Variants in EFNA5 observed in about 807,000 individuals in gnomAD.
EFNA5 encodes ephrin-A5.
EFNA5 carries 5 observed loss-of-function variants against 22.9 expected under a neutral mutation model. That is an observed-to-expected ratio of 0.22 (90% CI 0.11 to 0.46). The LOEUF is 0.46. EFNA5 is among the 20% of genes least tolerant of loss of function. EFNA5 has a pLI of 0.99. For synonymous variants in EFNA5, 113 were observed against 112.2 expected (o/e 1.01, Z -0.04); for missense variants, 237 against 293.3 (o/e 0.81, Z 1.40).
intron 1 of EFNA5, among the ~76,000 whole-genome samples, chr5:107,481,940 A>G (rs79464473): frequency 0.033 from 5,070 of 152,258 alleles, 110 homozygotes; most frequent in East Asian, 0.098. Flanking sequence ...TAAACATTAG[A>G]AAACAAACAC....
At chr5:107,496,990 C>T (rs777482603) in intron 1 of EFNA5, among the ~76,000 whole-genome samples, 6 of 152,348 alleles carry the variant, frequency 3.9e-5, no homozygotes, top group Non-Finnish European at 7.3e-5. Flanking sequence ...CATGGCTCAC[C>T]ACCTGCCCTC....
intron 1 of EFNA5, among the ~76,000 whole-genome samples, chr5:107,662,505 G>A (rs1175268314): frequency 1.3e-5 from 2 of 152,060 alleles, no homozygotes; most frequent in Non-Finnish European, 2.9e-5. Flanking sequence ...AGGTCACTTG[G>A]TTTTCCAAAT....
intron 1 of EFNA5, among the ~76,000 whole-genome samples, chr5:107,527,851 C>A (rs747967464): frequency 1.3e-5 from 2 of 152,076 alleles, no homozygotes; most frequent in Non-Finnish European, 2.9e-5. Context: ...TGACTGACAA[C>A]AACCACGTCA....
intron 1 of EFNA5, among the ~76,000 whole-genome samples, chr5:107,641,883 C>G (rs1357253401): frequency 6.6e-6 from 1 of 152,076 alleles, no homozygotes; most frequent in East Asian, 1.9e-4. Context: ...AGACAAAGAA[C>G]AGCTGTTTCC....
At chr5:107,398,561 T>C (rs1747990527) in intron 2 of EFNA5, among the ~76,000 whole-genome samples, 1 of 152,034 alleles carries the variant, frequency 6.6e-6, no homozygotes, top group African/African-American at 2.4e-5. Context: ...AAAAAATCTG[T>C]CGAGGCCAGG....
chr5:107,569,573 A>ATT (rs1442314723), intron 1 of EFNA5, among the ~76,000 whole-genome samples: 1 of 34,578 alleles, frequency 2.9e-5, no homozygotes, highest in African/African-American at 5.1e-5. Context: ...ATATATATAT[A>ATT]TATATATATA....
chr5:107,569,276 T>C (rs1748723241), intron 1 of EFNA5, among the ~76,000 whole-genome samples: 1 of 151,154 alleles, frequency 6.6e-6, no homozygotes, highest in African/African-American at 2.4e-5. Flanking sequence ...CAAACACTCA[T>C]ACATTGTGAA....
chr5:107,508,639 A>G (rs1747299330), intron 1 of EFNA5, among the ~76,000 whole-genome samples: 1 of 152,228 alleles, frequency 6.6e-6, no homozygotes, highest in Admixed American at 6.5e-5. Context: ...CAGCCTTGAT[A>G]TAACAATAAT....
chr5:107,466,957 T>C, intron 1 of EFNA5, among the ~76,000 whole-genome samples: 1 of 152,112 alleles, frequency 6.6e-6, no homozygotes, highest in East Asian at 1.9e-4. Context: ...AGTATTTCTT[T>C]TATTCTTCCA....
intron 1 of EFNA5, among the ~76,000 whole-genome samples, chr5:107,613,035 A>T (rs1473529374): frequency 6.6e-6 from 1 of 152,166 alleles, no homozygotes; most frequent in African/African-American, 2.4e-5. Context: ...GTAACACAGA[A>T]AACTAAAGAT....
At chr5:107,669,608 C>G (rs1022719102) in intron 1 of EFNA5, among the ~76,000 whole-genome samples, 3 of 151,870 alleles carry the variant, frequency 2.0e-5, no homozygotes, top group Middle Eastern at 3.4e-3. Flanking sequence ...GCACTAGGAC[C>G]GCCCCCGGCG....
chr5:107,469,320 C>T (rs1291402253), intron 1 of EFNA5, among the ~76,000 whole-genome samples: 1 of 152,130 alleles, frequency 6.6e-6, no homozygotes, highest in African/African-American at 2.4e-5. Context: ...AAAATAGATC[C>T]TCAAATGCCC....
At chr5:107,448,831 C>CAATA (rs57639319) in intron 1 of EFNA5, among the ~76,000 whole-genome samples, 18,095 of 127,850 alleles carry the variant, frequency 0.14, 1,497 homozygotes, top group South Asian at 0.21. Flanking sequence ...CTCTGTCTCA[C>CAATA]AATAAATAAA....
At chr5:107,410,506 T>C (rs186148101) in intron 2 of EFNA5, among the ~76,000 whole-genome samples, 87 of 152,272 alleles carry the variant, frequency 5.7e-4, no homozygotes, top group African/African-American at 2.0e-3. Flanking sequence ...TGGGATTTTG[T>C]AAATAATCTA....
chr5:107,413,382 C>T (rs78994882), intron 2 of EFNA5, among the ~76,000 whole-genome samples: 2,335 of 152,126 alleles, frequency 0.015, 49 homozygotes, highest in African/African-American at 0.052. Flanking sequence ...TTTAAATTGA[C>T]TCCATTTTCA....
At chr5:107,504,413 T>A (rs548787454) in intron 1 of EFNA5, among the ~76,000 whole-genome samples, 3 of 152,332 alleles carry the variant, frequency 2.0e-5, no homozygotes, top group African/African-American at 4.8e-5. Context: ...AAAAAAGAAC[T>A]AGATGCTAAA....
intron 1 of EFNA5, among the ~76,000 whole-genome samples, chr5:107,586,244 T>C (rs540258667): frequency 3.9e-5 from 6 of 152,266 alleles, no homozygotes; most frequent in Non-Finnish European, 1.5e-5. Flanking sequence ...TTACAATAAT[T>C]GCAGTAATGG....
At chr5:107,417,886 T>C (rs552861535) in intron 2 of EFNA5, among the ~76,000 whole-genome samples, 2 of 152,272 alleles carry the variant, frequency 1.3e-5, no homozygotes, top group East Asian at 3.9e-4. Context: ...GACCATTTGG[T>C]GAAAATAGAG....
At chr5:107,514,562 T>C (rs1202876214) in intron 1 of EFNA5, among the ~76,000 whole-genome samples, 1 of 152,148 alleles carries the variant, frequency 6.6e-6, no homozygotes, top group Admixed American at 6.5e-5. Context: ...GAAGCTGACA[T>C]ACAAGGGCAG....
Sources: gnomAD v4.1 joint callset for allele counts (sites outside exome capture counted in the v4.1 genomes callset) on GRCh38, gnomAD v4.1.1 for gene constraint, MANE v1.5 for transcripts, NCBI Gene and HGNC (gene_info 2026-07-23, HGNC 2026-07-21) for gene names.